The following UNC5A variants were observed in gnomAD, a reference collection of about 807,000 sequenced individuals.
The protein encoded by UNC5A is unc-5 netrin receptor A.
A neutral mutation model predicts 87.4 loss-of-function variants in UNC5A; 20 were observed. The ratio of observed to expected loss-of-function variants is 0.23; its 90% CI spans 0.16 to 0.33. UNC5A has a LOEUF of 0.33. Among genes scored for constraint, UNC5A ranks in the 10% least tolerant of loss-of-function variants. The pLI is 1.00. For missense variants in UNC5A, 844 were observed against 1,133.4 expected (o/e 0.74, Z 3.67); for synonymous variants, 438 against 482.3 (o/e 0.91, Z 1.20).
Position 176,869,098 on chromosome 5 carries a change from A to C in UNC5A, c.721+134A>C. ...CAGATCGTGCCTGACTAGGCAGGAT[A>C]AGCAAAGGGCTCTCTGTGACTGCTG... On this transcript the variant is annotated intron_variant, in intron 5 of 14. Transcript: ENST00000329542. This position sits in a 1 kb window ranked among gnomAD's most constrained non-coding sequence, Gnocchi z 9.1. 1 of 1,018,096 alleles carries C rather than the reference A, an allele frequency of 9.8e-7. No individual in the cohort carries two copies. Among genetic ancestry groups the C allele is most frequent in the Non-Finnish European group, 1.4e-6 (1 of 720,542 alleles). 63.1% of individuals were successfully genotyped at this position (1,018,096 alleles called of 1,614,324 possible).
rs1757342100 is a variant in UNC5A at position 176,844,012 on chromosome 5, G to T, written c.71-18612G>T. On this transcript the variant is annotated intron_variant, in intron 1 of 14. Transcript: ENST00000329542. The surrounding 1 kb of genome is among the most constrained non-coding windows in gnomAD (Gnocchi z 4.2). ...GTTTGTTATGAATTATTCTACTTGG[G>T]GCTAATTATAGGCACAGAGGAGAGG... Among the ~76,000 whole-genome samples the T allele has an allele frequency of 6.6e-6, 1 of 152,240 alleles. No individual in the cohort carries two copies. Among genetic ancestry groups the T allele is most frequent in the African/African-American group, 2.4e-5 (1 of 41,464 alleles).
At chr5:176,857,050 C>T (rs771740397) in intron 1 of UNC5A, among the ~76,000 whole-genome samples, 1 of 152,250 alleles carries the variant, frequency 6.6e-6, no homozygotes, top group Admixed American at 6.5e-5. Context: ...CTGGCCTTGG[C>T]ATTCAGGGCG....
chr5:176,869,063 C>G lies in UNC5A; in HGVS notation c.721+99C>G, dbSNP rs1031378391. ...GTGAAGAGAGGCCATGAGGCCAAAG[C>G]CAGGTGGACCAGATCGTGCCTGACT... is the stretch of plus-strand genomic sequence containing the variant. On this transcript the variant is annotated intron_variant, in intron 5 of 14. Coordinates refer to ENST00000329542, the MANE Select transcript of UNC5A (RefSeq NM_133369.3). This position sits in a 1 kb window ranked among gnomAD's most constrained non-coding sequence, Gnocchi z 9.1. 2 of 1,324,190 alleles carry G rather than the reference C, an allele frequency of 1.5e-6. No homozygotes were observed. Among genetic ancestry groups the G allele is most frequent in the Admixed American group, 4.9e-5 (2 of 40,558 alleles). 82.0% of individuals were successfully genotyped at this position (1,324,190 alleles called of 1,614,324 possible). A position where few individuals can be genotyped will look rare whatever the true frequency, so the allele number is the denominator to read the frequency against.
chr5:176,818,189 G>A (rs964138524), intron 1 of UNC5A, among the ~76,000 whole-genome samples: 5 of 152,194 alleles, frequency 3.3e-5, no homozygotes, highest in African/African-American at 1.2e-4. Context: ...TGGGGCTTCC[G>A]AAGACCCCGG....
intron 1 of UNC5A, among the ~76,000 whole-genome samples, chr5:176,832,822 C>T (rs1030542005): frequency 1.6e-4 from 25 of 152,134 alleles, no homozygotes; most frequent in African/African-American, 4.3e-4. Context: ...CGTTGGTACT[C>T]GAGTGATCTC....
At chr5:176,853,344 C>G (rs1322420237) in intron 1 of UNC5A, among the ~76,000 whole-genome samples, 2 of 152,216 alleles carry the variant, frequency 1.3e-5, no homozygotes, top group East Asian at 3.8e-4. Flanking sequence ...TCTGCAGGAG[C>G]TGGCGGGCAA....
intron 1 of UNC5A, among the ~76,000 whole-genome samples, chr5:176,851,541 G>A (rs891552239): frequency 2.0e-5 from 3 of 152,248 alleles, no homozygotes; most frequent in Non-Finnish European, 4.4e-5. Context: ...AAATGCTGAC[G>A]GGGCCATAAA....
chr5:176,834,042 G>A (rs1046169487), intron 1 of UNC5A, among the ~76,000 whole-genome samples: 3 of 152,128 alleles, frequency 2.0e-5, no homozygotes, highest in African/African-American at 7.2e-5. Flanking sequence ...CATCAACTTA[G>A]GTCTTCAGTA....
rs938924988 is a variant in UNC5A, at chr5:176,865,219, G to A, written c.292+2374G>A. Among the ~76,000 whole-genome samples, 5 of 152,186 alleles carry A rather than the reference G, an allele frequency of 3.3e-5. No homozygotes were observed. Among genetic ancestry groups the A allele is most frequent in the African/African-American group, 1.2e-4 (5 of 41,450 alleles). On this transcript the variant is annotated intron_variant, in intron 2 of 14. Transcript: ENST00000329542. This position sits in a 1 kb window ranked among gnomAD's most constrained non-coding sequence, Gnocchi z 5.3. ...GTCCCCCAGGGAAAGCACAGCCAGA[G>A]AGCTGCTCTCCTGCAGCCTGGAAGC...
rs1490975273 is a variant in UNC5A, at chr5:176,844,583, C to T, written c.71-18041C>T. On this transcript the variant is annotated intron_variant, in intron 1 of 14. Coordinates refer to ENST00000329542, the MANE Select transcript of UNC5A (RefSeq NM_133369.3). This position sits in a 1 kb window ranked among gnomAD's most constrained non-coding sequence, Gnocchi z 4.2. ...CCGAAATTCACAGCCCACCGTGGCT[C>T]GGAGGAGCATGGGCTGGTGTGACCC... Among the ~76,000 whole-genome samples the T allele has an allele frequency of 3.3e-5, 5 of 152,332 alleles. No homozygotes were observed. Among genetic ancestry groups the T allele is most frequent in the South Asian group, 2.1e-4 (1 of 4,830 alleles).
At chr5:176,814,679 C>T (rs973891930) in intron 1 of UNC5A, among the ~76,000 whole-genome samples, 1 of 152,226 alleles carries the variant, frequency 6.6e-6, no homozygotes, top group Non-Finnish European at 1.5e-5. Context: ...CTGCCAGAAG[C>T]CTCTGACCTG....
At chr5:176,823,964 C>T (rs951444472) in intron 1 of UNC5A, among the ~76,000 whole-genome samples, 4 of 152,202 alleles carry the variant, frequency 2.6e-5, no homozygotes, top group Non-Finnish European at 4.4e-5. Flanking sequence ...CGCCATGGGG[C>T]CCTGGTGGGA....
At chr5:176,877,775 G>A (rs1046250780) in intron 10 of UNC5A, 72 bp downstream of exon 10, 21 of 1,522,242 alleles carry the variant, frequency 1.4e-5, no homozygotes, top group African/African-American at 2.7e-5. Context: ...GCCTTCCACC[G>A]CTGGGTGGTC....
At chr5:176,829,620 A>AGGTG (rs1756951931) in intron 1 of UNC5A, among the ~76,000 whole-genome samples, 1 of 140,920 alleles carries the variant, frequency 7.1e-6, no homozygotes. Context: ...GATGGGTGGG[A>AGGTG]GGTGGATGGA....
chr5:176,877,158 T>A, intron 8 of UNC5A, 34 bp from the exon 9 acceptor site: 1 of 1,550,400 alleles, frequency 6.4e-7, no homozygotes, highest in South Asian at 1.1e-5. Context: ...GCTTTGGCAG[T>A]GGGTAAGCCC....
chr5:176,819,584 G>A (rs974486390), intron 1 of UNC5A, among the ~76,000 whole-genome samples: 2 of 152,134 alleles, frequency 1.3e-5, no homozygotes, highest in Admixed American at 1.3e-4. Context: ...CATCCTTACA[G>A]GTCCAGGCCC....
intron 1 of UNC5A, among the ~76,000 whole-genome samples, chr5:176,811,434 C>A (rs983079877): frequency 6.6e-6 from 1 of 152,242 alleles, no homozygotes; most frequent in Non-Finnish European, 1.5e-5. Flanking sequence ...GTCCCGGTGG[C>A]CGGGGCTGTG....
chr5:176,834,665 T>TTCTCTCTCTC (rs369472376), intron 1 of UNC5A, among the ~76,000 whole-genome samples: 9,914 of 101,112 alleles, frequency 0.098, 926 homozygotes, highest in Middle Eastern at 0.13. Context: ...ACGTCCCGTC[T>TTCTCTCTCTC]TCTCTCTCTC....
intron 1 of UNC5A, among the ~76,000 whole-genome samples, chr5:176,811,300 C>T (rs1326579615): frequency 1.3e-5 from 2 of 152,220 alleles, no homozygotes; most frequent in Non-Finnish European, 2.9e-5. Flanking sequence ...TGGCCTCTGC[C>T]CACGTCCAGA....
Sources: gnomAD v4.1 joint callset for allele counts (sites outside exome capture counted in the v4.1 genomes callset) on GRCh38, gnomAD v4.1.1 for gene constraint, Gnocchi (gnomAD v3.1) non-coding constraint, MANE v1.5 for transcripts, NCBI Gene and HGNC (gene_info 2026-07-23, HGNC 2026-07-21) for gene names.